Variants in SLC25A10 observed in about 807,000 individuals in gnomAD.
SLC25A10 encodes the protein solute carrier family 25 member 10.
A neutral mutation model predicts 40.4 loss-of-function variants in SLC25A10; 32 were observed. That is an observed-to-expected ratio of 0.79 (90% CI 0.60 to 1.06). The LOEUF (loss-of-function observed/expected upper bound fraction) is 1.06, where lower values mean the gene tolerates loss of function less well. SLC25A10 is among the 50% of genes least tolerant of loss of function. The pLI, the probability that SLC25A10 is intolerant of heterozygous loss-of-function variation, is 0.00. For synonymous variants in SLC25A10, 181 were observed against 171.1 expected, an observed-to-expected ratio of 1.06 and a Z score of -0.45; for missense variants, 394 against 402.6, an observed-to-expected ratio of 0.98 and a Z score of 0.18.
intron 9 of SLC25A10, 55 bp from the exon 10 acceptor site, chr17:81,719,776 G>A (rs1291519152): frequency 5.2e-5 from 84 of 1,604,152 alleles, no homozygotes; most frequent in East Asian, 6.7e-5. Flanking sequence ...GGGGATTTTC[G>A]TTGCCTTTTG....
intron 9 of SLC25A10, among the ~76,000 whole-genome samples, chr17:81,719,570 C>T (rs1408600869): frequency 6.6e-6 from 1 of 152,250 alleles, no homozygotes; most frequent in Non-Finnish European, 1.5e-5. Flanking sequence ...ACAGCCCCCT[C>T]TGCCCACTGG....
intron 5 of SLC25A10, 74 bp downstream of exon 5, chr17:81,716,124 T>G (rs960888833): frequency 6.7e-7 from 1 of 1,483,386 alleles, no homozygotes; most frequent in Non-Finnish European, 9.2e-7. Context: ...CTGGCTGCTC[T>G]GCCGTGACCC....
At chr17:81,715,399 G>T in intron 2 of SLC25A10, 79 bp from the exon 3 acceptor site, 1 of 1,275,302 alleles carries the variant, frequency 7.8e-7, no homozygotes, top group Non-Finnish European at 1.1e-6. Flanking sequence ...GGCTGAGGGG[G>T]ATCCCTGGCT....
intron 1 of SLC25A10, chr17:81,713,201 CTT>C (rs554844653): frequency 1.0e-4 from 15 of 143,384 alleles, no homozygotes; most frequent in Admixed American, 2.8e-4. Context: ...CGTTTTTTTA[CTT>C]TTTTTTTTTT....
At chr17:81,715,894 C>T in intron 4 of SLC25A10, 115 bp from the exon 5 acceptor site, 1 of 1,399,992 alleles carries the variant, frequency 7.1e-7, no homozygotes. Flanking sequence ...TGTCCCTGAG[C>T]CCCGGCGTGC....
In SLC25A10 at chr17:81,715,992, A is replaced by G. The variant is rs138431872; in HGVS notation, c.378-17A>G. On this transcript the variant is annotated splice_polypyrimidine_tract_variant and intron_variant, in intron 4 of 10. Transcript: ENST00000350690. Reference sequence around the variant, plus strand: ...CCTCGGCCCGCCCGCCCCTCCCGCCACCTGCTTCTGTTTCAGGATGCAGAA... The same window carrying G: ...CCTCGGCCCGCCCGCCCCTCCCGCCGCCTGCTTCTGTTTCAGGATGCAGAA... The G allele has an allele frequency of 1.4e-3, 2,100 of 1,482,348 alleles. 17 individuals carry two copies. In the African/African-American group the frequency reaches 0.022, roughly 15 times the overall value. The allele number at this position is 1,482,348 out of a possible 1,614,324, so 91.8% of individuals were successfully genotyped here.
At chr17:81,714,127 C>T (rs1268660661) in intron 1 of SLC25A10, among the ~76,000 whole-genome samples, 3 of 152,214 alleles carry the variant, frequency 2.0e-5, no homozygotes, top group Non-Finnish European at 4.4e-5. Context: ...TCTTTGCCGA[C>T]CCCTGGGCGT....
intron 1 of SLC25A10, among the ~76,000 whole-genome samples, chr17:81,714,591 G>A (rs551781154): frequency 6.6e-6 from 1 of 152,324 alleles, no homozygotes; most frequent in African/African-American, 2.4e-5. Flanking sequence ...AAAAAGTAGG[G>A]CTCTGGGGTC....
Position 81,712,483 on chromosome 17 carries a change from G to C in SLC25A10, c.57G>C (p.Gly19=). 7.7e-7 allele frequency: 1 copy of C among 1,302,284 alleles called. No homozygotes were observed. Among genetic ancestry groups the C allele is most frequent in the South Asian group, 2.3e-5 (1 of 43,112 alleles). The allele number at this position is 1,302,284 out of a possible 1,614,324, so 80.7% of individuals were successfully genotyped here. A position where few individuals can be genotyped will look rare whatever the true frequency, so the allele number is the denominator to read the frequency against. ...RWYFGGLASC[G]AACCTHPLDL... ...ACTTCGGGGGGCTGGCCTCCTGCGGGGCCGCCTGCTGCACGCACCCGCTGG... is the reference window on the plus strand; with the variant it reads ...ACTTCGGGGGGCTGGCCTCCTGCGGCGCCGCCTGCTGCACGCACCCGCTGG... Residue 19 remains glycine (G), a synonymous_variant, in exon 1 of 11, where the codon GGG becomes GGC. Coordinates refer to ENST00000350690, the MANE Select transcript of SLC25A10 (RefSeq NM_012140.5).
At chr17:81,715,965 C>A in intron 4 of SLC25A10, 44 bp from the exon 5 acceptor site, 2 of 1,546,364 alleles carry the variant, frequency 1.3e-6, no homozygotes, top group Non-Finnish European at 1.8e-6. Context: ...GCTGCCCATG[C>A]CCCTCGGCCC....
intron 5 of SLC25A10, 116 bp from the exon 6 acceptor site, chr17:81,716,696 C>A: frequency 9.9e-7 from 1 of 1,006,802 alleles, no homozygotes; most frequent in African/African-American, 1.6e-5. Flanking sequence ...GATCTTCAGG[C>A]CCATGAGGCC....
At chr17:81,715,666 T>A in intron 3 of SLC25A10, 27 bp from the exon 4 acceptor site, 1 of 1,613,138 alleles carries the variant, frequency 6.2e-7, no homozygotes, top group Non-Finnish European at 8.5e-7. Context: ...TCAGCACGGC[T>A]CATCTCTGGG....
chr17:81,714,852 G>C (rs2037450201), intron 1 of SLC25A10, 101 bp from the exon 2 acceptor site: 2 of 1,506,460 alleles, frequency 1.3e-6, no homozygotes, highest in Non-Finnish European at 1.8e-6. Context: ...GGCCGTGGGA[G>C]GCCTTATCAC....
intron 6 of SLC25A10, 26 bp from the exon 7 acceptor site, chr17:81,716,976 C>CCTGGCCTCACCT: frequency 6.2e-7 from 1 of 1,613,088 alleles, no homozygotes. Context: ...TTGCCTCACC[C>CCTGGCCTCACCT]CTTGCCTCAC....
Position 81,712,493 on chromosome 17 carries a change from T to G in SLC25A10, c.67T>G (p.Cys23Gly). ...GGLASCGAACCTHPLDLLKVH... is the reference protein window; with the variant it reads ...GGLASCGAACGTHPLDLLKVH... The stretch of plus-strand genomic sequence containing the variant: ...GCTGGCCTCCTGCGGGGCCGCCTGC[T>G]GCACGCACCCGCTGGACCTGCTCAA... Residue 23 changes from cysteine to glycine, a missense_variant, in exon 1 of 11, where the codon TGC (cysteine) becomes GGC (glycine). Cys to Gly is a radical substitution (Grantham distance 159). Transcript: ENST00000350690. The G allele has an allele frequency of 7.7e-7, 1 of 1,302,962 alleles. No homozygotes were observed. The highest frequency in any genetic ancestry group is 9.7e-7 in the Non-Finnish European group (1 of 1,028,026). The allele number at this position is 1,302,962 out of a possible 1,614,324, so 80.7% of individuals were successfully genotyped here.
chr17:81,718,839 C>T (rs2144544794), intron 9 of SLC25A10, among the ~76,000 whole-genome samples: 1 of 150,622 alleles, frequency 6.6e-6, no homozygotes, highest in Middle Eastern at 3.6e-3. Flanking sequence ...ATCCCAGCTA[C>T]TCAGGAGGCT....
intron 1 of SLC25A10, 135 bp from the exon 2 acceptor site, chr17:81,714,818 C>A: frequency 8.3e-7 from 1 of 1,206,142 alleles, no homozygotes; most frequent in Non-Finnish European, 1.1e-6. Flanking sequence ...TGGTTCCAGG[C>A]ACGGGTGTGG....
intron 1 of SLC25A10, chr17:81,713,384 G>A (rs2037421438): frequency 2.1e-6 from 2 of 943,402 alleles, no homozygotes; most frequent in Non-Finnish European, 2.5e-6. Context: ...GTGGTCACTG[G>A]GCAGCCGCCT....
At chr17:81,719,767 G>A in intron 9 of SLC25A10, 64 bp from the exon 10 acceptor site, 1 of 1,596,276 alleles carries the variant, frequency 6.3e-7, no homozygotes. Context: ...TGCCTGGGAG[G>A]GGATTTTCGT....
Sources: gnomAD v4.1 joint callset for allele counts (sites outside exome capture counted in the v4.1 genomes callset) on GRCh38, gnomAD v4.1.1 for gene constraint, MANE v1.5 for transcripts, NCBI Gene and HGNC (gene_info 2026-07-23, HGNC 2026-07-21) for gene names.